ADORA3: variants seen among roughly 807,000 people sequenced by gnomAD.
ADORA3 encodes the protein adenosine receptor A3.
A neutral mutation model predicts 5.7 loss-of-function variants in ADORA3; 3 were observed. The observed-to-expected ratio is 0.52, with a 90% CI of 0.24 to 1.35. The LOEUF (loss-of-function observed/expected upper bound fraction) is 1.35, where lower values mean the gene tolerates loss of function less well. ADORA3 is among the 40% of genes most tolerant of loss of function. ADORA3 has a pLI of 0.17. For missense variants in ADORA3, 343 were observed against 389.0 expected, an observed-to-expected ratio of 0.88 and a Z score of 0.99; for synonymous variants, 168 against 152.3, an observed-to-expected ratio of 1.10 and a Z score of -0.76.
intron 1 of ADORA3, among the ~76,000 whole-genome samples, chr1:111,502,423 T>C (rs1295073133): frequency 7.1e-6 from 1 of 141,462 alleles, no homozygotes; most frequent in Non-Finnish European, 1.5e-5. Context: ...TGAATATATA[T>C]AGGATACATA....
In ADORA3 at chr1:111,500,135, C is replaced by CACCATTAAAGTAG; in HGVS notation, c.759_771dup (p.Glu258LeufsTer3). On this transcript the variant is annotated stop_gained and frameshift_variant, in exon 2 of 2. Transcript: ENST00000241356. LOFTEE classifies it low-confidence loss of function (END_TRUNC). ...ATGTACAGCACAAGCTGTGGTACCTCACCATTAAAGTAGATGATGCAGTTG... is the reference window on the plus strand; with the variant it reads ...ATGTACAGCACAAGCTGTGGTACCTCACCATTAAAGTAGACCATTAAAGTAGATGATGCAGTTG... 1 of 1,614,146 alleles carries CACCATTAAAGTAG rather than the reference C, an allele frequency of 6.2e-7. No homozygotes were observed. Among genetic ancestry groups the CACCATTAAAGTAG allele is most frequent in the South Asian group, 1.1e-5 (1 of 91,070 alleles).
At chr1:111,501,942 A>G (rs560782800) in intron 1 of ADORA3, among the ~76,000 whole-genome samples, 1 of 150,466 alleles carries the variant, frequency 6.6e-6, no homozygotes, top group Non-Finnish European at 1.5e-5. Context: ...ACATGTAATG[A>G]AGAATATTTT....
chr1:111,501,126 A>G (rs1655151711), intron 1 of ADORA3: 1 of 154,426 alleles, frequency 6.5e-6, no homozygotes, highest in African/African-American at 2.4e-5. Context: ...TGTTCTTGGC[A>G]CTGTTCTGTT....
intron 1 of ADORA3, 65 bp from the exon 2 acceptor site, chr1:111,500,621 C>A: frequency 6.7e-7 from 1 of 1,485,288 alleles, no homozygotes; most frequent in South Asian, 1.2e-5. Context: ...GGAGATGGAG[C>A]TGGTAAAGGA....
At position 111,503,014 on chromosome 1, in the gene ADORA3, A is replaced by G. The variant is rs563170958; in HGVS notation, c.341T>C (p.Leu114Pro). The part of the protein sequence containing the change: ...IAVDRYLRVK[L>P]TVRYKRVTTH... ...CCACGCCGCAGGCTACCTGACGGTA[A>G]GCTTGACCCGCAAGTATCGGTCCAC... The change falls in exon 1 of 2, where the codon CTT (leucine) becomes CCT (proline). Residue 114 changes from leucine to proline, a missense_variant. Transcript: ENST00000241356. 1.2e-5 allele frequency: 19 copies of G among 1,613,808 alleles called. No homozygotes were observed. In the East Asian group the frequency reaches 3.8e-4, roughly 32 times the overall value.
At position 111,499,573 on chromosome 1, in the gene ADORA3, T is replaced by C. The variant is rs1415792; in HGVS notation, c.*377A>G. On this transcript the variant is annotated 3_prime_UTR_variant, in exon 2 of 2. Coordinates refer to ENST00000241356, the MANE Select transcript of ADORA3 (RefSeq NM_000677.4). ...GGTTCTCTGCTCAATTCCACAATGG[T>C]ATGGAAATGAGTCACCACCACACAC... 831,567 of 1,023,982 alleles carry C rather than the reference T, an allele frequency of 0.81. 338,198 individuals carry two copies. Among genetic ancestry groups the C allele is most frequent in the Middle Eastern group, 0.88 (1,784 of 2,036 alleles). 63.4% of individuals were successfully genotyped at this position (1,023,982 alleles called of 1,614,324 possible). A position where few individuals can be genotyped will look rare whatever the true frequency, so the allele number is the denominator to read the frequency against.
chr1:111,500,853 T>G (rs999804520), intron 1 of ADORA3: 5 of 494,238 alleles, frequency 1.0e-5, no homozygotes, highest in African/African-American at 9.5e-5. Flanking sequence ...TAGAGTCAAG[T>G]GCTTACGTGC....
chr1:111,499,695 A>T lies in ADORA3; in HGVS notation c.*255T>A, dbSNP rs535900028. The T allele has an allele frequency of 4.7e-6, 6 of 1,273,830 alleles. 1 individual carries two copies. In the South Asian group the frequency reaches 1.1e-4, roughly 24 times the overall value. The allele number at this position is 1,273,830 out of a possible 1,614,324, so 78.9% of individuals were successfully genotyped here. ...CTATTGGGAAGAAGGAAAACAGACA[A>T]TAATATCAATAATACGTTGTCCCCA... On this transcript the variant is annotated 3_prime_UTR_variant, in exon 2 of 2. Transcript: ENST00000241356.
In ADORA3 at chr1:111,499,809, T is replaced by C. The variant is rs1655069439; in HGVS notation, c.*141A>G. 2.0e-6 allele frequency: 3 copies of C among 1,490,384 alleles called. No individual in the cohort carries two copies. Among genetic ancestry groups the C allele is most frequent in the South Asian group, 2.8e-5 (2 of 71,612 alleles). 92.3% of individuals were successfully genotyped at this position (1,490,384 alleles called of 1,614,324 possible). A position where few individuals can be genotyped will look rare whatever the true frequency, so the allele number is the denominator to read the frequency against. ...GAGTAGTGGAGTGGGGGAGATATAA[T>C]TGGGGAGCACTGGAGATGCTCCCAC... is the stretch of plus-strand genomic sequence containing the variant. On this transcript the variant is annotated 3_prime_UTR_variant, in exon 2 of 2. Coordinates refer to ENST00000241356, the MANE Select transcript of ADORA3 (RefSeq NM_000677.4).
At position 111,500,316 on chromosome 1, in the gene ADORA3, A is replaced by G; in HGVS notation, c.591T>C (p.Tyr197=). 4 of 1,614,258 alleles carry G rather than the reference A, an allele frequency of 2.5e-6. No individual in the cohort carries two copies. The highest frequency in any genetic ancestry group is 3.4e-6 in the Non-Finnish European group (4 of 1,180,054). Residue 197 remains tyrosine, a synonymous_variant, in exon 2 of 2, where the codon TAT becomes TAC. Transcript: ENST00000241356. ...FIPLVVMCAI[Y]LDIFYIIRNK... ...TCCGAATGATGTAAAAGATGTCAAG[A>G]TAGATGGCGCACATGACAACCAGGG...
chr1:111,500,643 G>A (rs1308859768), intron 1 of ADORA3, 87 bp from the exon 2 acceptor site: 11 of 1,257,598 alleles, frequency 8.7e-6, no homozygotes, highest in African/African-American at 1.5e-5. Context: ...AGAGAGAGAG[G>A]TGAGATAAGG....
At chr1:111,502,213 T>TATATATTTATTATAATGAATATATAGG (rs1655246428) in intron 1 of ADORA3, among the ~76,000 whole-genome samples, 2 of 35,506 alleles carry the variant, frequency 5.6e-5, no homozygotes, top group African/African-American at 1.7e-4. Flanking sequence ...ATATATAGGA[T>TATATATTTATTATAATGAATATATAGG]ATATATTTAT....
In ADORA3 at chr1:111,502,287, A is replaced by AT. The variant is rs1557824445; in HGVS notation, c.350+717_350+718insA. Among the ~76,000 whole-genome samples, 18 of 111,294 alleles carry AT rather than the reference A, an allele frequency of 1.6e-4. 5 individuals are homozygous for AT. Among genetic ancestry groups the AT allele is most frequent in the South Asian group, 1.1e-3 (4 of 3,770 alleles). 73.0% of individuals were successfully genotyped at this position (111,294 alleles called of 152,430 possible). A position where few individuals can be genotyped will look rare whatever the true frequency, so the allele number is the denominator to read the frequency against. On this transcript the variant is annotated intron_variant, in intron 1 of 1. Coordinates refer to ENST00000241356, the MANE Select transcript of ADORA3 (RefSeq NM_000677.4). ...TATAGGATATATATTCATTATAATA[A>AT]ATATATAGGATATATATTCATTATA...
chr1:111,500,771 A>G lies in ADORA3; in HGVS notation c.351-215T>C. ...CAAGATGAGCAGACAACGATTGGAGAAAAATCCAGGAAACTTCTCTGGGGA... is the reference window on the plus strand; with the variant it reads ...CAAGATGAGCAGACAACGATTGGAGGAAAATCCAGGAAACTTCTCTGGGGA... On this transcript the variant is annotated intron_variant, in intron 1 of 1. Coordinates refer to ENST00000241356, the MANE Select transcript of ADORA3 (RefSeq NM_000677.4). 5 of 571,276 alleles carry G rather than the reference A, an allele frequency of 8.8e-6. No homozygotes were observed. The South Asian group carries it at 1.3e-4, about 15-fold the overall frequency. The allele number at this position is 571,276 out of a possible 1,614,324, so 35.4% of individuals were successfully genotyped here. A position where few individuals can be genotyped will look rare whatever the true frequency, so the allele number is the denominator to read the frequency against.
chr1:111,500,258 CTT>C lies in ADORA3; in HGVS notation c.647_648del (p.Lys216ArgfsTer14), dbSNP rs1655100439. On this transcript the variant is annotated frameshift_variant, in exon 2 of 2. Coordinates refer to ENST00000241356, the MANE Select transcript of ADORA3 (RefSeq NM_000677.4). LOFTEE classifies it low-confidence loss of function (END_TRUNC). ...TCCCGTCCATAAAATGCACCTGTCTCTTTGGAGTTAGATAAGTTCAGACTGAG... is the reference window on the plus strand; with the variant it reads ...TCCCGTCCATAAAATGCACCTGTCTCTGGAGTTAGATAAGTTCAGACTGAG... ...NKLSLNLSNS[K>X]ETGAFYGREF... 1 of 1,614,060 alleles carries C rather than the reference CTT, an allele frequency of 6.2e-7. No homozygotes were observed. The highest frequency in any genetic ancestry group is 1.3e-5 in the African/African-American group (1 of 74,918).
Position 111,502,878 on chromosome 1 carries a change from C to T in ADORA3, c.350+127G>A, listed in dbSNP as rs537832566. 24 of 1,201,680 alleles carry T rather than the reference C, an allele frequency of 2.0e-5. No homozygotes were observed. In the African/African-American group the frequency reaches 3.1e-4, roughly 15 times the overall value. 74.4% of individuals were successfully genotyped at this position (1,201,680 alleles called of 1,614,324 possible). A position where few individuals can be genotyped will look rare whatever the true frequency, so the allele number is the denominator to read the frequency against. ...TCACAGACCATATCACAAAAAGACACTTATTGCCCTCTTTCAACATCAAGG... is the reference window on the plus strand; with the variant it reads ...TCACAGACCATATCACAAAAAGACATTTATTGCCCTCTTTCAACATCAAGG... On this transcript the variant is annotated intron_variant, in intron 1 of 1. Coordinates refer to ENST00000241356, the MANE Select transcript of ADORA3 (RefSeq NM_000677.4).
Position 111,499,816 on chromosome 1 carries a change from G to A in ADORA3, c.*134C>T. ...GGAGTGGGGGAGATATAATTGGGGA[G>A]CACTGGAGATGCTCCCACCTCAGTG... On this transcript the variant is annotated 3_prime_UTR_variant, in exon 2 of 2. Transcript: ENST00000241356. 2 of 1,500,626 alleles carry A rather than the reference G, an allele frequency of 1.3e-6. No individual in the cohort carries two copies. Among genetic ancestry groups the A allele is most frequent in the Non-Finnish European group, 1.8e-6 (2 of 1,131,862 alleles). 93.0% of individuals were successfully genotyped at this position (1,500,626 alleles called of 1,614,324 possible). A position where few individuals can be genotyped will look rare whatever the true frequency, so the allele number is the denominator to read the frequency against.
rs749192276 is a variant in ADORA3, at chr1:111,500,247, T to G, written c.660A>C (p.Ala220=). The change falls in exon 2 of 2, where the codon GCA becomes GCC. Residue 220 remains alanine (A), a synonymous_variant. Coordinates refer to ENST00000241356, the MANE Select transcript of ADORA3 (RefSeq NM_000677.4). ...CCGTCTTGAACTCCCGTCCATAAAA[T>G]GCACCTGTCTCTTTGGAGTTAGATA... ...LNLSNSKETG[A]FYGREFKTAK... is the part of the protein sequence containing the mutation. 25 of 1,614,032 alleles carry G rather than the reference T, an allele frequency of 1.5e-5. No individual in the cohort carries two copies. Among genetic ancestry groups the G allele is most frequent in the Non-Finnish European group, 2.0e-5 (24 of 1,180,040 alleles).
Position 111,502,887 on chromosome 1 carries a change from C to T in ADORA3, c.350+118G>A, listed in dbSNP as rs910786492. ...ATATCACAAAAAGACACTTATTGCCCTCTTTCAACATCAAGGGCCAATTTG... is the reference window on the plus strand; with the variant it reads ...ATATCACAAAAAGACACTTATTGCCTTCTTTCAACATCAAGGGCCAATTTG... On this transcript the variant is annotated intron_variant, in intron 1 of 1. Coordinates refer to ENST00000241356, the MANE Select transcript of ADORA3 (RefSeq NM_000677.4). 8 of 1,299,858 alleles carry T rather than the reference C, an allele frequency of 6.2e-6. No homozygotes were observed. The Admixed American group carries it at 7.4e-5, about 12-fold the overall frequency. The allele number at this position is 1,299,858 out of a possible 1,614,324, so 80.5% of individuals were successfully genotyped here.
Sources: gnomAD v4.1 joint callset for allele counts (sites outside exome capture counted in the v4.1 genomes callset) on GRCh38, gnomAD v4.1.1 for gene constraint, MANE v1.5 for transcripts, NCBI Gene and HGNC (gene_info 2026-07-23, HGNC 2026-07-21) for gene names.